The following CCDC178 variants were observed in gnomAD, a reference collection of about 807,000 sequenced individuals.
CCDC178 encodes the protein coiled-coil domain containing 178, also known as coiled-coil domain-containing protein 178.
Under a neutral mutation model 117.4 loss-of-function variants are expected in CCDC178, and 126 were observed. The observed-to-expected ratio is 1.07, with a 90% CI of 0.93 to 1.24. The LOEUF (loss-of-function observed/expected upper bound fraction) is 1.24, where lower values mean the gene tolerates loss of function less well. Among genes scored for constraint, CCDC178 ranks in the 50% most tolerant of loss-of-function variants. The pLI is 0.00. For synonymous variants in CCDC178, 283 were observed against 313.4 expected, an observed-to-expected ratio of 0.90 and a Z score of 1.02; for missense variants, 1,030 against 986.9, an observed-to-expected ratio of 1.04 and a Z score of -0.59.
intron 2 of CCDC178, among the ~76,000 whole-genome samples, chr18:33,422,119 G>A (rs1397438440): frequency 1.3e-5 from 2 of 152,038 alleles, no homozygotes; most frequent in African/African-American, 4.8e-5. Flanking sequence ...ACATCCTCTT[G>A]AATTATTACT....
chr18:33,008,803 C>T (rs535500685), intron 21 of CCDC178, among the ~76,000 whole-genome samples: 1 of 151,974 alleles, frequency 6.6e-6, no homozygotes, highest in African/African-American at 2.4e-5. Context: ...CTAATGATTG[C>T]CAACATTATC....
intron 22 of CCDC178, among the ~76,000 whole-genome samples, chr18:32,947,579 A>C (rs569415822): frequency 3.2e-4 from 48 of 152,152 alleles, no homozygotes; most frequent in African/African-American, 1.1e-3. Flanking sequence ...TGAGTTTTGA[A>C]AGTTTCTTTT....
chr18:33,235,158 G>A (rs550763401), intron 15 of CCDC178, among the ~76,000 whole-genome samples: 2 of 152,204 alleles, frequency 1.3e-5, no homozygotes, highest in Admixed American at 6.5e-5. Flanking sequence ...AACAGTTTGA[G>A]ATTAGTTAAA....
chr18:33,129,916 A>G (rs271575), intron 20 of CCDC178, among the ~76,000 whole-genome samples: 24,414 of 151,812 alleles, frequency 0.16, 2,735 homozygotes, highest in African/African-American at 0.32. Context: ...TTACTGTTTT[A>G]TATATTTCAT....
chr18:33,224,823 T>C lies in CCDC178; in HGVS notation c.1770A>G (p.Leu590=), dbSNP rs61734218. The C allele has an allele frequency of 4.5e-4, 702 of 1,556,140 alleles. 3 individuals carry two copies. In the African/African-American group the frequency reaches 9.1e-3, roughly 20 times the overall value. The change falls in exon 17 of 23, where the codon CTA becomes CTG. Residue 590 remains leucine (L), a synonymous_variant. Transcript: ENST00000383096. ...TTCTGATTCTTTCAGCTTCATCTTC[T>C]AGTTGAAGCAGAGGTTCCTGTAGTT... ...LAELQEPLLQ[L]EDEAERIRSL...
At position 32,988,079 on chromosome 18, in the gene CCDC178, A is replaced by AAATAAT. The variant is rs145642185; in HGVS notation, c.2389-13404_2389-13399dup. Among the ~76,000 whole-genome samples the AAATAAT allele has an allele frequency of 4.3e-3, 605 of 141,228 alleles. 7 individuals carry two copies. Among genetic ancestry groups the AAATAAT allele is most frequent in the Non-Finnish European group, 6.3e-3 (412 of 65,916 alleles). 92.7% of individuals were successfully genotyped at this position (141,228 alleles called of 152,430 possible). Reference sequence around the variant, plus strand: ...GCAACAAGAGTGAAAATCCGTCTCAAAATAATAATAATAATAATAATAATA... The same window carrying AAATAAT: ...GCAACAAGAGTGAAAATCCGTCTCAAAATAATAATAATAATAATAATAATAATAATA... On this transcript the variant is annotated intron_variant, in intron 21 of 22. Coordinates refer to ENST00000383096, the MANE Select transcript of CCDC178 (RefSeq NM_001105528.4).
chr18:33,157,885 T>C (rs1479700182), intron 20 of CCDC178, among the ~76,000 whole-genome samples: 1 of 152,150 alleles, frequency 6.6e-6, no homozygotes, highest in East Asian at 1.9e-4. Flanking sequence ...TTGTCATGCA[T>C]CTTGCCAACA....
chr18:33,069,986 T>A (rs2057080658), intron 21 of CCDC178, among the ~76,000 whole-genome samples: 1 of 151,978 alleles, frequency 6.6e-6, no homozygotes, highest in Admixed American at 6.6e-5. Context: ...TATTATCTTA[T>A]CCCAGTTAAA....
chr18:33,194,192 C>G (rs1306647300), intron 20 of CCDC178, among the ~76,000 whole-genome samples: 3 of 151,806 alleles, frequency 2.0e-5, no homozygotes, highest in Non-Finnish European at 2.9e-5. Flanking sequence ...TTATTGTGTA[C>G]TTACTAGCTT....
chr18:33,302,243 G>A (rs1269358678), intron 11 of CCDC178, among the ~76,000 whole-genome samples: 1 of 152,062 alleles, frequency 6.6e-6, no homozygotes. Context: ...CAAAGCAGAT[G>A]TTTCTACCAT....
intron 3 of CCDC178, among the ~76,000 whole-genome samples, chr18:33,402,138 A>T (rs2063716958): frequency 6.6e-6 from 1 of 152,194 alleles, no homozygotes; most frequent in African/African-American, 2.4e-5. Context: ...CTTAACTTGA[A>T]ACAAAAACCC....
intron 20 of CCDC178, among the ~76,000 whole-genome samples, chr18:33,096,293 AATATAAAAATATAAAATTTTTATATTTT>A (rs1208816206): frequency 0.038 from 5,087 of 134,890 alleles, 178 homozygotes; most frequent in African/African-American, 0.052. Flanking sequence ...AAAAATATAA[AATATAAAAATATAAAATTTTTATATTTT>A]ATATAAAAAT....
chr18:33,122,004 T>C (rs543225660), intron 20 of CCDC178, among the ~76,000 whole-genome samples: 1 of 152,242 alleles, frequency 6.6e-6, no homozygotes, highest in South Asian at 2.1e-4. Flanking sequence ...TACCATACAC[T>C]AGGTGTGTAC....
chr18:33,405,370 T>C (rs535397605), intron 3 of CCDC178, among the ~76,000 whole-genome samples: 2 of 151,744 alleles, frequency 1.3e-5, no homozygotes, highest in Non-Finnish European at 2.9e-5. Context: ...CTATTAGGCA[T>C]GTCATATTTT....
intron 21 of CCDC178, among the ~76,000 whole-genome samples, chr18:33,039,509 C>A (rs1287138504): frequency 1.3e-5 from 2 of 152,008 alleles, no homozygotes; most frequent in Non-Finnish European, 2.9e-5. Flanking sequence ...TACAGGGAAG[C>A]CTGCATGAGG....
chr18:33,402,581 T>A (rs2063723252), intron 3 of CCDC178, among the ~76,000 whole-genome samples: 1 of 152,200 alleles, frequency 6.6e-6, no homozygotes, highest in Admixed American at 6.5e-5. Flanking sequence ...GCTAATATTA[T>A]CGGAAAGAAG....
rs575863582 is a variant in CCDC178, at chr18:33,024,234, A to G, written c.2389-49553T>C. ...TTTGCTAGGGATACCATAACAAAAC[A>G]TCACAGACTGGGTAGCTTAAACAAC... is the stretch of plus-strand genomic sequence containing the variant. On this transcript the variant is annotated intron_variant, in intron 21 of 22. Coordinates refer to ENST00000383096, the MANE Select transcript of CCDC178 (RefSeq NM_001105528.4). 2.9e-4 allele frequency among the ~76,000 whole-genome samples: 44 copies of G among 152,350 alleles called. No homozygotes were observed. The South Asian group carries it at 9.1e-3, about 32-fold the overall frequency.
intron 3 of CCDC178, among the ~76,000 whole-genome samples, chr18:33,409,886 A>G (rs2079053791): frequency 6.6e-6 from 1 of 152,228 alleles, no homozygotes; most frequent in Admixed American, 6.5e-5. Flanking sequence ...GCACATTTTA[A>G]AAGACAATTT....
At chr18:33,045,776 C>T (rs1426795038) in intron 21 of CCDC178, among the ~76,000 whole-genome samples, 1 of 152,036 alleles carries the variant, frequency 6.6e-6, no homozygotes, top group Non-Finnish European at 1.5e-5. Flanking sequence ...AAAAGTCTTA[C>T]AATACTTAGG....
Sources: allele counts gnomAD v4.1 joint callset (sites outside exome capture counted in the v4.1 genomes callset), GRCh38; gene constraint gnomAD v4.1.1; transcripts MANE v1.5; gene names NCBI Gene and HGNC (gene_info 2026-07-23, HGNC 2026-07-21).